PAX7: variants seen among roughly 807,000 people sequenced by gnomAD.
PAX7 encodes the protein paired box 7.
A neutral mutation model predicts 50.7 loss-of-function variants in PAX7; 18 were observed. The ratio of observed to expected loss-of-function variants is 0.36; its 90% CI spans 0.25 to 0.53. PAX7 has a LOEUF of 0.53. Among genes scored for constraint, PAX7 ranks in the 20% least tolerant of loss-of-function variants. PAX7 has a pLI of 0.93. For missense variants in PAX7, 644 were observed against 702.9 expected, an observed-to-expected ratio of 0.92 and a Z score of 0.95; for synonymous variants, 310 against 290.4, an observed-to-expected ratio of 1.07 and a Z score of -0.69.
At position 18,691,942 on chromosome 1, in the gene PAX7, G is replaced by T. The variant is rs777197278; in HGVS notation, c.775G>T (p.Ala259Ser). Residue 259 changes from alanine to serine, a missense_variant, in exon 5 of 9, where the codon GCG becomes TCG. Coordinates refer to ENST00000420770, the MANE Select transcript of PAX7 (RefSeq NM_001135254.2). ...GGCGCAGAGGACCAAGCTGACAGAG[G>T]CGCGTGTGCAGGTGAGGAGGCACCT... ...ELAQRTKLTE[A>S]RVQVWFSNRR... 6.2e-7 allele frequency: 1 copy of T among 1,613,414 alleles called. No homozygotes were observed. The highest frequency in any genetic ancestry group is 8.5e-7 in the Non-Finnish European group (1 of 1,179,770).
intron 8 of PAX7, among the ~76,000 whole-genome samples, chr1:18,739,488 TCTAGC>T (rs1931006561): frequency 6.6e-6 from 1 of 152,194 alleles, no homozygotes; most frequent in Admixed American, 6.5e-5. Flanking sequence ...CTACTATGGG[TCTAGC>T]ATTTCATCCT....
At chr1:18,641,085 G>T (rs770047158) in intron 4 of PAX7, among the ~76,000 whole-genome samples, 1 of 152,258 alleles carries the variant, frequency 6.6e-6, no homozygotes, top group Non-Finnish European at 1.5e-5. Context: ...GCGCTCGCGC[G>T]CTCGCAGCCC....
At chr1:18,696,543 C>T (rs61760723) in intron 5 of PAX7, among the ~76,000 whole-genome samples, 3,877 of 152,282 alleles carry the variant, frequency 0.025, 79 homozygotes, top group Non-Finnish European at 0.04. Context: ...TATACATATA[C>T]ACAGTGGAGT....
intron 4 of PAX7, among the ~76,000 whole-genome samples, chr1:18,662,415 A>AGTTC (rs894791195): frequency 2.4e-4 from 37 of 151,464 alleles, no homozygotes; most frequent in Non-Finnish European, 3.2e-4. Context: ...TTCCTTCTTT[A>AGTTC]GTTCATTCAT....
intron 4 of PAX7, among the ~76,000 whole-genome samples, chr1:18,683,308 G>T (rs74056072): frequency 0.06 from 9,088 of 152,276 alleles, 358 homozygotes; most frequent in African/African-American, 0.11. Flanking sequence ...ACCGAGGAAG[G>T]CTTACCTGTC....
intron 7 of PAX7, among the ~76,000 whole-genome samples, chr1:18,723,917 C>T (rs955102554): frequency 3.3e-5 from 5 of 152,194 alleles, no homozygotes; most frequent in African/African-American, 1.2e-4. Context: ...CCCCAAGCTG[C>T]CTCCAGCTGA....
intron 4 of PAX7, among the ~76,000 whole-genome samples, chr1:18,637,163 G>GTT (rs996708339): frequency 9.9e-5 from 15 of 152,282 alleles, no homozygotes; most frequent in Admixed American, 8.5e-4. Flanking sequence ...AGGGCGTTTA[G>GTT]TTTTCAAGCG....
At chr1:18,641,507 G>A (rs1306108826) in intron 4 of PAX7, among the ~76,000 whole-genome samples, 1 of 152,244 alleles carries the variant, frequency 6.6e-6, no homozygotes. Context: ...CGTCTGAACC[G>A]GGTGGGGTCC....
intron 4 of PAX7, among the ~76,000 whole-genome samples, chr1:18,649,543 T>C (rs1036410312): frequency 7.3e-5 from 11 of 151,662 alleles, no homozygotes; most frequent in Admixed American, 5.9e-4. Context: ...TCCCCCGTTC[T>C]TCATAAACCC....
At chr1:18,720,167 C>T (rs945642437) in intron 7 of PAX7, among the ~76,000 whole-genome samples, 2 of 152,222 alleles carry the variant, frequency 1.3e-5, no homozygotes, top group Non-Finnish European at 2.9e-5. Context: ...CAAGGCTCTG[C>T]GTGCCTGCGG....
chr1:18,695,272 T>C (rs2282707), intron 5 of PAX7, among the ~76,000 whole-genome samples: 9,686 of 152,150 alleles, frequency 0.064, 489 homozygotes, highest in East Asian at 0.25. Flanking sequence ...TGGGGGTTGT[T>C]CTTACTAAAA....
Position 18,745,207 on chromosome 1 carries a change from CTG to C in PAX7, c.*281_*282del. 2.1e-6 allele frequency: 1 copy of C among 477,248 alleles called. No homozygotes were observed. 29.6% of individuals were successfully genotyped at this position (477,248 alleles called of 1,614,324 possible). A position where few individuals can be genotyped will look rare whatever the true frequency, so the allele number is the denominator to read the frequency against. On this transcript the variant is annotated 3_prime_UTR_variant, in exon 9 of 9. Coordinates refer to ENST00000420770, the MANE Select transcript of PAX7 (RefSeq NM_001135254.2). ...CCCCTGTCAAATCCCATGGTGGCCT[CTG>C]TGCCATCTCAGGCATGGAGATTGGG...
At chr1:18,642,571 G>C (rs1344000095) in intron 4 of PAX7, among the ~76,000 whole-genome samples, 2 of 152,168 alleles carry the variant, frequency 1.3e-5, no homozygotes, top group Admixed American at 6.5e-5. Context: ...CAGGATGAGG[G>C]TTAGAGGCGC....
chr1:18,725,996 G>A (rs1018408692), intron 7 of PAX7, among the ~76,000 whole-genome samples: 2 of 96,674 alleles, frequency 2.1e-5, no homozygotes, highest in Non-Finnish European at 4.0e-5. Flanking sequence ...GTGTGTGTGC[G>A]CGCGCGCGCG....
At chr1:18,661,638 A>C (rs960844649) in intron 4 of PAX7, among the ~76,000 whole-genome samples, 1 of 152,226 alleles carries the variant, frequency 6.6e-6, no homozygotes, top group Non-Finnish European at 1.5e-5. Flanking sequence ...TGTCGGACAA[A>C]GCCACGTGTG....
At chr1:18,744,697 G>GATGGATAA (rs1553145064) in intron 8 of PAX7, 117 bp from the exon 9 acceptor site, 42,024 of 500,878 alleles carry the variant, frequency 0.084, 1,676 homozygotes, top group African/African-American at 0.1. Flanking sequence ...TAAATGGATG[G>GATGGATAA]ATGGATGGAT....
intron 4 of PAX7, among the ~76,000 whole-genome samples, chr1:18,682,780 G>C (rs1050804340): frequency 2.0e-5 from 3 of 152,224 alleles, no homozygotes; most frequent in Middle Eastern, 3.2e-3. Flanking sequence ...TGCCTGGGAA[G>C]GGGAGAGAGG....
intron 4 of PAX7, among the ~76,000 whole-genome samples, chr1:18,668,003 T>C (rs1003904993): frequency 3.3e-5 from 5 of 151,900 alleles, no homozygotes; most frequent in African/African-American, 9.7e-5. Flanking sequence ...CCGAGTAAAA[T>C]ATGGGAAACT....
At chr1:18,660,484 T>C (rs2088584254) in intron 4 of PAX7, among the ~76,000 whole-genome samples, 1 of 151,462 alleles carries the variant, frequency 6.6e-6, no homozygotes, top group South Asian at 2.1e-4. Context: ...GCCTGGGAGG[T>C]GGAGGGAGGG....
Sources: allele counts gnomAD v4.1 joint callset (sites outside exome capture counted in the v4.1 genomes callset), GRCh38; gene constraint gnomAD v4.1.1; transcripts MANE v1.5; gene names NCBI Gene and HGNC (gene_info 2026-07-23, HGNC 2026-07-21).